LRRC18: variants seen among roughly 807,000 people sequenced by gnomAD.
The protein encoded by LRRC18 is leucine rich repeat containing 18, also known as leucine-rich repeat-containing protein 18.
Under a neutral mutation model 11.2 loss-of-function variants are expected in LRRC18, and 12 were observed. The ratio of observed to expected loss-of-function variants is 1.07; its 90% CI spans 0.69 to 1.74. LRRC18 has a LOEUF of 1.74. LRRC18 is among the 40% of genes most tolerant of loss of function. The pLI, the probability that LRRC18 is intolerant of heterozygous loss-of-function variation, is 0.00. For synonymous variants in LRRC18, 155 were observed against 130.6 expected (o/e 1.19, Z -1.27); for missense variants, 374 against 330.5 (o/e 1.13, Z -1.02).
the LRRC18 span, among the ~76,000 whole-genome samples, chr10:48,927,235 C>G: frequency 2.0e-5 from 3 of 152,186 alleles, no homozygotes; most frequent in South Asian, 2.1e-4. Flanking sequence ...AACCCTCCCC[C>G]CTGCTTCCAC....
At chr10:48,932,229 T>G in the LRRC18 span, among the ~76,000 whole-genome samples, 41 of 151,774 alleles carry the variant, frequency 2.7e-4, no homozygotes, top group East Asian at 6.8e-3. Context: ...CAGTGGCGGG[T>G]GCTGGTGGGG....
intron 1 of LRRC18, among the ~76,000 whole-genome samples, chr10:48,911,572 T>C (rs1254379315): frequency 1.3e-5 from 2 of 152,224 alleles, no homozygotes; most frequent in South Asian, 4.1e-4. Context: ...ATAACTATCT[T>C]GCAGATGTTT....
the LRRC18 span, among the ~76,000 whole-genome samples, chr10:48,923,612 C>A: frequency 2.0e-5 from 3 of 151,600 alleles, no homozygotes; most frequent in Non-Finnish European, 2.9e-5. Flanking sequence ...ATTATTAGTG[C>A]TTACTCATGC....
At chr10:48,924,037 C>T in the LRRC18 span, among the ~76,000 whole-genome samples, 357 of 152,316 alleles carry the variant, frequency 2.3e-3, 2 homozygotes, top group African/African-American at 7.9e-3. Flanking sequence ...AGAACTCCTC[C>T]GTTAAGGAGC....
chr10:48,924,634 C>T, the LRRC18 span, among the ~76,000 whole-genome samples: 1 of 152,078 alleles, frequency 6.6e-6, no homozygotes, highest in South Asian at 2.1e-4. Flanking sequence ...TTTTTTTATA[C>T]TTTGGAAAAA....
the LRRC18 span, among the ~76,000 whole-genome samples, chr10:48,934,413 C>T: frequency 6.6e-6 from 1 of 152,202 alleles, no homozygotes; most frequent in Non-Finnish European, 1.5e-5. Context: ...CGGGGGGATA[C>T]AGCAATTGAG....
chr10:48,938,191 A>G, the LRRC18 span, among the ~76,000 whole-genome samples: 1 of 152,390 alleles, frequency 6.6e-6, no homozygotes, highest in South Asian at 2.1e-4. Flanking sequence ...CTGTTTTTGC[A>G]AATAGGCAAC....
At chr10:48,937,051 G>A in the LRRC18 span, among the ~76,000 whole-genome samples, 235 of 151,546 alleles carry the variant, frequency 1.6e-3, 1 homozygote, top group Non-Finnish European at 2.7e-3. Flanking sequence ...CCACCACCAC[G>A]CCTGGCTAAT....
the LRRC18 span, among the ~76,000 whole-genome samples, chr10:48,923,496 G>GTATT: frequency 1.6e-5 from 1 of 63,212 alleles, no homozygotes; most frequent in Non-Finnish European, 4.2e-5. Flanking sequence ...ATAGTTTTTA[G>GTATT]TATATATATA....
At chr10:48,913,865 G>A in exon 1 of LRRC18, 2 of 1,614,138 alleles carry the variant, frequency 1.2e-6, no homozygotes, top group African/African-American at 1.3e-5. Flanking sequence ...GGTAGAGCAG[G>A]CTGGTCATCT....
At chr10:48,923,129 C>T in the LRRC18 span, among the ~76,000 whole-genome samples, 1 of 152,114 alleles carries the variant, frequency 6.6e-6, no homozygotes, top group African/African-American at 2.4e-5. Flanking sequence ...CTGGCTTGTC[C>T]CACGTTGGAA....
exon 1 of LRRC18, chr10:48,913,617 G>A (rs745892536): frequency 1.9e-6 from 3 of 1,613,964 alleles, no homozygotes; most frequent in African/African-American, 2.7e-5. Context: ...ACCTGGCTTT[G>A]GAAAGGGGTT....
chr10:48,930,275 G>A, the LRRC18 span, among the ~76,000 whole-genome samples: 1 of 152,210 alleles, frequency 6.6e-6, no homozygotes, highest in Non-Finnish European at 1.5e-5. Flanking sequence ...AGGATTTCCA[G>A]AATATGAATA....
At chr10:48,939,047 A>T in the LRRC18 span, among the ~76,000 whole-genome samples, 6 of 152,188 alleles carry the variant, frequency 3.9e-5, no homozygotes, top group African/African-American at 1.4e-4. Flanking sequence ...TTGTAGCTCA[A>T]TGCAGGCACC....
chr10:48,909,668 A>G (rs1230057913), exon 2 of LRRC18: 1 of 152,222 alleles, frequency 6.6e-6, no homozygotes, highest in Non-Finnish European at 1.5e-5. Context: ...TCTTTTTAAC[A>G]ATCAATTTTC....
chr10:48,914,944 A>C (rs967801052), upstream of LRRC18, among the ~76,000 whole-genome samples: 2 of 152,080 alleles, frequency 1.3e-5, no homozygotes, highest in African/African-American at 2.4e-5. Flanking sequence ...CATCCTTCAC[A>C]CTGGACTTCA....
At chr10:48,930,250 T>C in the LRRC18 span, among the ~76,000 whole-genome samples, 7 of 152,366 alleles carry the variant, frequency 4.6e-5, no homozygotes, top group Non-Finnish European at 1.0e-4. Flanking sequence ...TCACTGTTTT[T>C]ACATGTACTG....
upstream of LRRC18, among the ~76,000 whole-genome samples, chr10:48,916,706 G>A (rs922718459): frequency 2.0e-5 from 3 of 152,186 alleles, no homozygotes; most frequent in African/African-American, 4.8e-5. Context: ...AAGTGATTCT[G>A]AAAGTTGTAT....
chr10:48,916,592 T>C (rs1838558607), upstream of LRRC18, among the ~76,000 whole-genome samples: 1 of 152,082 alleles, frequency 6.6e-6, no homozygotes, highest in South Asian at 2.1e-4. Flanking sequence ...TGCAACAGAT[T>C]TAGAAAACAA....
Sources: allele counts gnomAD v4.1 joint callset (sites outside exome capture counted in the v4.1 genomes callset), GRCh38; gene constraint gnomAD v4.1.1; transcripts MANE v1.5; gene names NCBI Gene and HGNC (gene_info 2026-07-23, HGNC 2026-07-21).